ADCY2: variants seen among roughly 807,000 people sequenced by gnomAD.
ADCY2 encodes adenylate cyclase type 2.
A neutral mutation model predicts 125.2 loss-of-function variants in ADCY2; 31 were observed. The ratio of observed to expected loss-of-function variants is 0.25; its 90% CI spans 0.19 to 0.33. ADCY2 has a LOEUF of 0.33. Ranked by LOEUF, ADCY2 falls within the 10% of genes least tolerant of loss-of-function variation. ADCY2 has a pLI of 1.00. For missense variants in ADCY2, 904 were observed against 1,418.2 expected, an observed-to-expected ratio of 0.64 and a Z score of 5.82; for synonymous variants, 512 against 548.4, an observed-to-expected ratio of 0.93 and a Z score of 0.93.
chr5:7,455,798 C>A (rs1741648633), intron 2 of ADCY2, among the ~76,000 whole-genome samples: 1 of 142,288 alleles, frequency 7.0e-6, no homozygotes. Flanking sequence ...CACATATATT[C>A]TTATTATTAT....
At chr5:7,699,460 A>G (rs890316168) in intron 7 of ADCY2, among the ~76,000 whole-genome samples, 8 of 151,930 alleles carry the variant, frequency 5.3e-5, no homozygotes, top group South Asian at 2.1e-4. Context: ...GACTATTTCT[A>G]TTGTTCTGCC....
chr5:7,554,363 T>G (rs1735438772), intron 3 of ADCY2, among the ~76,000 whole-genome samples: 3 of 152,174 alleles, frequency 2.0e-5, no homozygotes, highest in Admixed American at 2.0e-4. Flanking sequence ...ACAGTAAACA[T>G]ACTTTTGCAT....
intron 4 of ADCY2, among the ~76,000 whole-genome samples, chr5:7,630,226 A>G (rs184268394): frequency 6.6e-6 from 1 of 152,304 alleles, no homozygotes; most frequent in Admixed American, 6.5e-5. Flanking sequence ...ATTTAGTGGA[A>G]CAAGAAAGTG....
intron 14 of ADCY2, among the ~76,000 whole-genome samples, chr5:7,735,604 A>G (rs939306742): frequency 2.6e-5 from 4 of 152,312 alleles, no homozygotes; most frequent in African/African-American, 4.8e-5. Flanking sequence ...CTTCTATTCT[A>G]TTAATGTGAC....
intron 22 of ADCY2, among the ~76,000 whole-genome samples, chr5:7,816,364 G>A (rs927049835): frequency 6.6e-6 from 1 of 152,188 alleles, no homozygotes; most frequent in Non-Finnish European, 1.5e-5. Context: ...GAGGAGGAAC[G>A]AGGCCCCAAG....
chr5:7,670,234 G>A (rs1265416904), intron 4 of ADCY2, among the ~76,000 whole-genome samples: 1 of 152,164 alleles, frequency 6.6e-6, no homozygotes, highest in African/African-American at 2.4e-5. Flanking sequence ...GTGAAAGATG[G>A]TGGTGCCCCT....
intron 18 of ADCY2, among the ~76,000 whole-genome samples, chr5:7,776,889 C>CCCCTGG (rs2126487767): frequency 1.3e-5 from 2 of 152,274 alleles, no homozygotes; most frequent in South Asian, 4.1e-4. Context: ...GCAGTATCTC[C>CCCCTGG]AGGGTTCTTA....
intron 16 of ADCY2, among the ~76,000 whole-genome samples, chr5:7,757,853 C>G (rs1244624763): frequency 6.6e-6 from 1 of 152,218 alleles, no homozygotes. Context: ...CATCTCTTGG[C>G]TACAGCAGTC....
chr5:7,492,023 G>C (rs1743182400), intron 2 of ADCY2, among the ~76,000 whole-genome samples: 1 of 152,216 alleles, frequency 6.6e-6, no homozygotes, highest in East Asian at 1.9e-4. Context: ...AGGTGTCACG[G>C]GGTGGAGGGC....
intron 2 of ADCY2, among the ~76,000 whole-genome samples, chr5:7,466,440 A>T (rs935723434): frequency 6.6e-6 from 1 of 152,142 alleles, no homozygotes; most frequent in African/African-American, 2.4e-5. Flanking sequence ...TGATATCAGC[A>T]CCCCTTTTTA....
At chr5:7,540,669 C>T (rs1734966970) in intron 3 of ADCY2, among the ~76,000 whole-genome samples, 1 of 152,150 alleles carries the variant, frequency 6.6e-6, no homozygotes, top group Non-Finnish European at 1.5e-5. Context: ...TCTGAATATT[C>T]CAGGACACAC....
chr5:7,788,389 A>C (rs1257038918), intron 19 of ADCY2, among the ~76,000 whole-genome samples: 1 of 152,214 alleles, frequency 6.6e-6, no homozygotes, highest in African/African-American at 2.4e-5. Context: ...CAGGTGGGCC[A>C]GGCTGGTCTC....
chr5:7,763,133 G>A (rs1466665458), intron 16 of ADCY2, among the ~76,000 whole-genome samples: 2 of 150,688 alleles, frequency 1.3e-5, no homozygotes, highest in Non-Finnish European at 2.9e-5. Context: ...TCGTTCTGTC[G>A]CCCAGGCTGG....
intron 3 of ADCY2, among the ~76,000 whole-genome samples, chr5:7,573,800 T>G (rs1235335394): frequency 1.3e-5 from 2 of 150,434 alleles, no homozygotes; most frequent in Non-Finnish European, 3.0e-5. Context: ...AGGGTACATG[T>G]GCACATTGTG....
At position 7,770,375 on chromosome 5, in the gene ADCY2, G is replaced by A. The variant is rs535509700; in HGVS notation, c.2215-2557G>A. 1.6e-4 allele frequency among the ~76,000 whole-genome samples: 24 copies of A among 152,232 alleles called. No individual in the cohort carries two copies. In the South Asian group the frequency reaches 1.9e-3, roughly 12 times the overall value. Reference sequence around the variant, plus strand: ...ATACATACACACCCTCTTATAAGTGGTTCCTTATTCTGCTCTCTCATTCGA... The same window carrying A: ...ATACATACACACCCTCTTATAAGTGATTCCTTATTCTGCTCTCTCATTCGA... On this transcript the variant is annotated intron_variant, in intron 17 of 24. Transcript: ENST00000338316.
intron 2 of ADCY2, among the ~76,000 whole-genome samples, chr5:7,435,932 C>T (rs1421726131): frequency 1.3e-5 from 2 of 152,106 alleles, no homozygotes; most frequent in South Asian, 2.1e-4. Context: ...TTTTAGAAGC[C>T]TTCAGAAACC....
At chr5:7,617,479 TAG>T (rs1448124064) in intron 3 of ADCY2, among the ~76,000 whole-genome samples, 2 of 152,006 alleles carry the variant, frequency 1.3e-5, no homozygotes, top group Non-Finnish European at 1.5e-5. Context: ...TTATTATTAG[TAG>T]TAGTAGTAGT....
At chr5:7,822,215 G>A (rs1280986591) in intron 24 of ADCY2, among the ~76,000 whole-genome samples, 2 of 152,176 alleles carry the variant, frequency 1.3e-5, no homozygotes, top group Non-Finnish European at 2.9e-5. Flanking sequence ...AGGTTTAGAT[G>A]TAACTTTAAA....
chr5:7,656,219 TGA>T (rs759629748), intron 4 of ADCY2, among the ~76,000 whole-genome samples: 2 of 152,060 alleles, frequency 1.3e-5, no homozygotes, highest in Non-Finnish European at 2.9e-5. Context: ...CATGCCCAGC[TGA>T]TTTTGTATTT....
Sources: allele counts gnomAD v4.1 joint callset (sites outside exome capture counted in the v4.1 genomes callset), GRCh38; gene constraint gnomAD v4.1.1; transcripts MANE v1.5; gene names NCBI Gene and HGNC (gene_info 2026-07-23, HGNC 2026-07-21).